The following AGBL5 variants were observed in gnomAD, a reference collection of about 807,000 sequenced individuals.
The protein encoded by AGBL5 is AGBL carboxypeptidase 5, also known as cytosolic carboxypeptidase-like protein 5.
AGBL5 carries 51 observed loss-of-function variants against 88.0 expected under a neutral mutation model. The observed-to-expected ratio is 0.58, with a 90% confidence interval of 0.46 to 0.73. The LOEUF (loss-of-function observed/expected upper bound fraction) is 0.73. Ranked by LOEUF, AGBL5 falls within the 30% of genes least tolerant of loss-of-function variation. The pLI is 0.00. For missense variants in AGBL5, 1,031 were observed against 1,162.2 expected, an observed-to-expected ratio of 0.89 and a Z score of 1.64; for synonymous variants, 446 against 438.8, an observed-to-expected ratio of 1.02 and a Z score of -0.21.
chr2:27,062,949 T>C (rs1019553106), intron 11 of AGBL5: 9 of 152,184 alleles, frequency 5.9e-5, no homozygotes, highest in Admixed American at 2.0e-4. Context: ...ACTGAGACAA[T>C]GGCAACAACT....
chr2:27,053,318 C>A lies in AGBL5; in HGVS notation c.216-84C>A, dbSNP rs775180498. 2 of 1,550,480 alleles carry A rather than the reference C, an allele frequency of 1.3e-6. No homozygotes were observed. Among genetic ancestry groups the A allele is most frequent in the South Asian group, 1.2e-5 (1 of 80,822 alleles). ...TTCTCCTTGCCAAATAGCCCTTTCC[C>A]AGTTTGGCTGGCTCCGGCTCTCCCA... On this transcript the variant is annotated intron_variant, in intron 2 of 14. Transcript: ENST00000360131. This position sits in a 1 kb window ranked among gnomAD's most constrained non-coding sequence, Gnocchi z 4.9.
intron 11 of AGBL5, among the ~76,000 whole-genome samples, chr2:27,066,825 C>A (rs1414534923): frequency 6.6e-6 from 1 of 152,048 alleles, no homozygotes; most frequent in Non-Finnish European, 1.5e-5. Context: ...TCACACCTAT[C>A]TGTAATCCCA....
rs1668393625 is a variant in AGBL5, at chr2:27,055,739, G to A, written c.966G>A (p.Leu322=). 2 of 1,614,126 alleles carry A rather than the reference G, an allele frequency of 1.2e-6. No homozygotes were observed. The highest frequency in any genetic ancestry group is 1.6e-4 in the Middle Eastern group (1 of 6,062). The change falls in exon 7 of 15, where the codon CTG becomes CTA. Residue 322 remains leucine (L), a synonymous_variant. Coordinates refer to ENST00000360131, the MANE Select transcript of AGBL5 (RefSeq NM_021831.6). Reference sequence around the variant, plus strand: ...AGTACCTGAAGCCTGATGCCGTCCTGCACCCGGCCATCTATGGGGCCAAAG... The same window carrying A: ...AGTACCTGAAGCCTGATGCCGTCCTACACCCGGCCATCTATGGGGCCAAAG... ...NRQYLKPDAV[L]HPAIYGAKAV... is the part of the protein sequence containing the mutation.
chr2:27,068,261 G>T (rs1004103542), intron 12 of AGBL5, among the ~76,000 whole-genome samples: 1 of 152,236 alleles, frequency 6.6e-6, no homozygotes, highest in East Asian at 1.9e-4. Flanking sequence ...ACATATGATT[G>T]CGGCAGTATA....
intron 11 of AGBL5, among the ~76,000 whole-genome samples, chr2:27,063,225 TCTGC>T (rs1049938258): frequency 6.6e-6 from 1 of 152,226 alleles, no homozygotes; most frequent in Non-Finnish European, 1.5e-5. Context: ...CATCTAGTCC[TCTGC>T]CTGCCACTTA....
At chr2:27,054,377 C>G in intron 4 of AGBL5, 1 of 560,026 alleles carries the variant, frequency 1.8e-6, no homozygotes, top group Non-Finnish European at 3.1e-6. Context: ...CGGAGAACAA[C>G]TCCGACTACA....
At chr2:27,067,117 G>A (rs1296137232) in intron 11 of AGBL5, among the ~76,000 whole-genome samples, 2 of 151,920 alleles carry the variant, frequency 1.3e-5, no homozygotes, top group Non-Finnish European at 2.9e-5. Flanking sequence ...GCTGAGCATG[G>A]TGGCGGGCAC....
At position 27,070,324 on chromosome 2, in the gene AGBL5, G is replaced by T; in HGVS notation, c.*61G>T. 1 of 1,536,594 alleles carries T rather than the reference G, an allele frequency of 6.5e-7. No individual in the cohort carries two copies. Among genetic ancestry groups the T allele is most frequent in the South Asian group, 1.1e-5 (1 of 88,206 alleles). On this transcript the variant is annotated 3_prime_UTR_variant, in exon 15 of 15. Coordinates refer to ENST00000360131, the MANE Select transcript of AGBL5 (RefSeq NM_021831.6). ...AAGATGGGGTAACAGTGGGAAATAT[G>T]CTAGTTCCCCTCCAGGCCGCTGATT...
At position 27,056,034 on chromosome 2, in the gene AGBL5, C is replaced by T. The variant is rs757989531; in HGVS notation, c.1261C>T (p.Pro421Ser). 6.2e-7 allele frequency: 1 copy of T among 1,614,156 alleles called. No homozygotes were observed. The highest frequency in any genetic ancestry group is 8.5e-7 in the Non-Finnish European group (1 of 1,180,038). ...TGAAGAGTCAGCCCCTGATACCATC[C>T]CCCCCAAAGAGAGTGGCGTTGCTTA... The part of the protein sequence containing the change: ...GLEESAPDTI[P>S]PKESGVAYYV... Residue 421 changes from proline to serine, a missense_variant, in exon 7 of 15, where the codon CCC becomes TCC. This residue lies in a region of AGBL5 where 540 missense variants were observed against 678.2 expected (regional missense o/e 0.80). Transcript: ENST00000360131.
At chr2:27,059,571 G>C in intron 11 of AGBL5, 167 bp downstream of exon 11, 12 of 1,466,696 alleles carry the variant, frequency 8.2e-6, no homozygotes, top group Non-Finnish European at 1.0e-5. Context: ...TGTTCCCTGC[G>C]GCATGATTCC....
rs376636603 is a variant in AGBL5, at chr2:27,059,211, C to T, written c.1896C>T (p.Ser632=). Residue 632 remains serine, a synonymous_variant, in exon 11 of 15, where the codon TCC becomes TCT. Coordinates refer to ENST00000360131, the MANE Select transcript of AGBL5 (RefSeq NM_021831.6). ...GCAGTGGGTTGCCTGTCTCCTGCTC[C>T]GAAAACACCTTGAGTCGGGCACGAA... ...KSHNGLPVSC[S]ENTLSRARSF... The T allele has an allele frequency of 1.2e-5, 20 of 1,613,760 alleles. No individual in the cohort carries two copies. The highest frequency in any genetic ancestry group is 3.3e-5 in the Admixed American group (2 of 59,882).
intron 11 of AGBL5, among the ~76,000 whole-genome samples, chr2:27,064,039 AGAT>A (rs1379362580): frequency 6.6e-6 from 1 of 152,180 alleles, no homozygotes; most frequent in African/African-American, 2.4e-5. Context: ...CTGTGTGTGT[AGAT>A]ATTTCTCAAA....
chr2:27,055,190 G>A lies in AGBL5; in HGVS notation c.845G>A (p.Arg282His), dbSNP rs150831853. The A allele has an allele frequency of 9.9e-6, 16 of 1,613,982 alleles. No individual in the cohort carries two copies. The highest frequency in any genetic ancestry group is 4.5e-5 in the East Asian group (2 of 44,884). The stretch of plus-strand genomic sequence containing the variant: ...GATCCCCGGGCCCAAACCCTCCGTC[G>A]CCTCTTCGTCTTTAAGCTGATTCCC... ...PDDPRAQTLR[R>H]LFVFKLIPML... The change falls in exon 6 of 15, where the codon CGC becomes CAC. Residue 282 changes from arginine (R) to histidine (H), a missense_variant. Arg to His is a conservative substitution (Grantham distance 29). Transcript: ENST00000360131.
chr2:27,054,022 G>C lies in AGBL5; in HGVS notation c.514G>C (p.Asp172His). ...CTGCCAGGAACTGCTAAACCAGCTA[G>C]ACCAGCGCTTTCCGGAGAACCACCC... ...SDCQELLNQL[D>H]QRFPENHPTH... The change falls in exon 4 of 15, where the codon GAC becomes CAC. Residue 172 changes from aspartate to histidine, a missense_variant. Coordinates refer to ENST00000360131, the MANE Select transcript of AGBL5 (RefSeq NM_021831.6). 1 of 1,614,004 alleles carries C rather than the reference G, an allele frequency of 6.2e-7. No homozygotes were observed. The highest frequency in any genetic ancestry group is 8.5e-7 in the Non-Finnish European group (1 of 1,179,950).
Position 27,058,557 on chromosome 2 carries a change from G to T in AGBL5, c.1829G>T (p.Gly610Val). 1 of 1,614,158 alleles carries T rather than the reference G, an allele frequency of 6.2e-7. No homozygotes were observed. The highest frequency in any genetic ancestry group is 8.5e-7 in the Non-Finnish European group (1 of 1,180,040). The stretch of plus-strand genomic sequence containing the variant: ...GGCCTAAGCAGCACTCTGAATGTGG[G>T]TGTCAACAAGAAGAGGGGCCTTCGA... Reference protein sequence around the residue: ...SRGLSSTLNVGVNKKRGLRTP... With the variant: ...SRGLSSTLNVVVNKKRGLRTP... Residue 610 changes from glycine to valine, a missense_variant, in exon 10 of 15, where the codon GGT becomes GTT. Physicochemically the swap from Gly to Val is moderately radical, Grantham distance 109. Around this residue, in one of 2 missense-constraint regions of AGBL5, gnomAD observed 491 missense variants for 484.0 expected, o/e 1.01. Transcript: ENST00000360131.
Position 27,059,246 on chromosome 2 carries a change from C to T in AGBL5, c.1931C>T (p.Thr644Ile). Residue 644 changes from threonine (T) to isoleucine (I), a missense_variant, in exon 11 of 15, where the codon ACC becomes ATC. Physicochemically the swap from Thr to Ile is moderately conservative, Grantham distance 89. Transcript: ENST00000360131. The part of the protein sequence containing the change: ...NTLSRARSFS[T>I]GTSAGGSSSS... ...TTGAGTCGGGCACGAAGTTTTAGCACCGGCACAAGTGCCGGTGGTAGCAGC... is the reference window on the plus strand; with the variant it reads ...TTGAGTCGGGCACGAAGTTTTAGCATCGGCACAAGTGCCGGTGGTAGCAGC... 6.2e-7 allele frequency: 1 copy of T among 1,614,186 alleles called. No homozygotes were observed.
At position 27,053,964 on chromosome 2, in the gene AGBL5, C is replaced by T. The variant is rs763380664; in HGVS notation, c.456C>T (p.Phe152=). The change falls in exon 4 of 15, where the codon TTC becomes TTT. Residue 152 remains phenylalanine, a synonymous_variant. Transcript: ENST00000360131. This position sits in a 1 kb window ranked among gnomAD's most constrained non-coding sequence, Gnocchi z 4.9. ...RFVEGRGATT[F]FAFCYPFSYS... ...TGGAGGGCCGTGGGGCCACCACCTT[C>T]TTCGCCTTCTGCTACCCCTTCTCCT... is the stretch of plus-strand genomic sequence containing the variant. The T allele has an allele frequency of 6.8e-6, 11 of 1,614,084 alleles. No individual in the cohort carries two copies. The South Asian group carries it at 9.9e-5, about 14-fold the overall frequency.
At chr2:27,063,965 C>T (rs1189885928) in intron 11 of AGBL5, among the ~76,000 whole-genome samples, 1 of 152,214 alleles carries the variant, frequency 6.6e-6, no homozygotes, top group Non-Finnish European at 1.5e-5. Context: ...TGTTCTTTCT[C>T]ACTTGCTTTT....
chr2:27,067,373 G>A, intron 11 of AGBL5, 121 bp from the exon 12 acceptor site: 1 of 895,858 alleles, frequency 1.1e-6, no homozygotes, highest in Non-Finnish European at 1.7e-6. Context: ...GAGGGATGTG[G>A]GTCTGATGAC....
Sources: allele counts gnomAD v4.1 joint callset (sites outside exome capture counted in the v4.1 genomes callset), GRCh38; gene constraint gnomAD v4.1.1; regional missense constraint gnomAD v4.1.1; non-coding constraint Gnocchi (gnomAD v3.1); transcripts MANE v1.5; gene names NCBI Gene and HGNC (gene_info 2026-07-23, HGNC 2026-07-21).